Variants in SLC9D1 observed in about 807,000 individuals in gnomAD.
SLC9D1 encodes the protein putative LAG1-interacting protein.
chr13:113,536,534 T>C, the SLC9D1 span: 1 of 982,428 alleles, frequency 1.0e-6, no homozygotes, highest in Non-Finnish European at 1.2e-6. Context: ...ATTTTTCTCT[T>C]TGAAAATAAC....
At chr13:113,510,280 T>G in the SLC9D1 span, 1 of 1,614,116 alleles carries the variant, frequency 6.2e-7, no homozygotes, top group East Asian at 2.2e-5. Context: ...CATGACACTG[T>G]TAATGATTGC....
chr13:113,524,528 G>A, the SLC9D1 span, among the ~76,000 whole-genome samples: 1 of 151,984 alleles, frequency 6.6e-6, no homozygotes, highest in Non-Finnish European at 1.5e-5. Flanking sequence ...TAGAGACAAG[G>A]TTTCGCCATG....
the SLC9D1 span, chr13:113,503,621 A>G: frequency 7.0e-7 from 1 of 1,427,186 alleles, no homozygotes; most frequent in Non-Finnish European, 9.9e-7. Context: ...ACTGCAGCTA[A>G]GGAGCTTCAC....
chr13:113,501,844 T>C, the SLC9D1 span: 2 of 1,612,252 alleles, frequency 1.2e-6, no homozygotes, highest in Non-Finnish European at 1.7e-6. Flanking sequence ...TTATTTGTGG[T>C]GTACTTCTGG....
the SLC9D1 span, among the ~76,000 whole-genome samples, chr13:113,541,631 A>G: frequency 3.2e-4 from 44 of 137,334 alleles, no homozygotes; most frequent in East Asian, 2.0e-3. Context: ...TACGCACACG[A>G]TTGCTGATCA....
the SLC9D1 span, chr13:113,495,532 G>A: frequency 7.3e-7 from 1 of 1,363,126 alleles, no homozygotes; most frequent in East Asian, 2.3e-5. Context: ...TGCAAGCTCA[G>A]TGGGGCAGAG....
At chr13:113,520,702 C>T in the SLC9D1 span, 4 of 1,613,748 alleles carry the variant, frequency 2.5e-6, no homozygotes, top group Admixed American at 6.7e-5. Context: ...CATGCCGACT[C>T]TCATACAGGC....
At chr13:113,513,183 G>A in the SLC9D1 span, among the ~76,000 whole-genome samples, 15 of 152,294 alleles carry the variant, frequency 9.8e-5, no homozygotes, top group African/African-American at 3.6e-4. Flanking sequence ...CCTCGGCAAC[G>A]TCAGATGGTG....
At chr13:113,538,643 G>A in the SLC9D1 span, among the ~76,000 whole-genome samples, 1 of 152,370 alleles carries the variant, frequency 6.6e-6, no homozygotes, top group East Asian at 1.9e-4. Context: ...TGAATCCTCA[G>A]GATGTGATGT....
the SLC9D1 span, chr13:113,539,506 A>G: frequency 1.2e-6 from 2 of 1,611,480 alleles, no homozygotes; most frequent in Non-Finnish European, 1.7e-6. This position sits in a 1 kb window ranked among gnomAD's most constrained non-coding sequence, Gnocchi z 4.8. Flanking sequence ...TCGCCTCCAT[A>G]GGTAATCTTC....
the SLC9D1 span, among the ~76,000 whole-genome samples, chr13:113,494,848 A>T: frequency 6.6e-6 from 1 of 151,758 alleles, no homozygotes; most frequent in African/African-American, 2.4e-5. Flanking sequence ...GGGGAAGTTG[A>T]TGGTATTTTC....
At chr13:113,500,147 A>C in the SLC9D1 span, 1 of 1,486,992 alleles carries the variant, frequency 6.7e-7, no homozygotes, top group Non-Finnish European at 9.0e-7. Context: ...CCACTTTATA[A>C]AGGTAGTGAG....
the SLC9D1 span, chr13:113,498,538 A>G: frequency 9.0e-6 from 14 of 1,558,474 alleles, no homozygotes; most frequent in South Asian, 1.3e-5. Flanking sequence ...GTTCCAGAAC[A>G]GCTGCTTCTT....
At chr13:113,537,834 G>A in the SLC9D1 span, among the ~76,000 whole-genome samples, 1 of 152,182 alleles carries the variant, frequency 6.6e-6, no homozygotes, top group East Asian at 1.9e-4. Flanking sequence ...GCCATGCGTT[G>A]AAAAGACCTC....
At chr13:113,495,559 G>T in the SLC9D1 span, 1 of 1,512,580 alleles carries the variant, frequency 6.6e-7, no homozygotes, top group South Asian at 1.3e-5. Context: ...GGATTGCTGT[G>T]CCCTGCCCTC....
the SLC9D1 span, among the ~76,000 whole-genome samples, chr13:113,541,403 A>G: frequency 1.6e-4 from 23 of 146,058 alleles, no homozygotes; most frequent in Admixed American, 8.8e-4. Context: ...TACGCACACG[A>G]TCGCTGATCA....
the SLC9D1 span, among the ~76,000 whole-genome samples, chr13:113,503,255 A>T: frequency 6.6e-6 from 1 of 152,224 alleles, no homozygotes; most frequent in East Asian, 1.9e-4. Context: ...TAAACCATGG[A>T]AAATAATGTA....
the SLC9D1 span, chr13:113,504,208 C>T: frequency 6.6e-6 from 1 of 152,140 alleles, no homozygotes; most frequent in Non-Finnish European, 1.5e-5. Flanking sequence ...AACTGTACAC[C>T]CTTTCTGTAT....
chr13:113,547,575 G>C, the SLC9D1 span, among the ~76,000 whole-genome samples: 4 of 152,222 alleles, frequency 2.6e-5, no homozygotes, highest in Non-Finnish European at 5.9e-5. Context: ...GTTTGTCCAT[G>C]TGATCGATTG....
Sources: gnomAD v4.1 joint callset for allele counts (sites outside exome capture counted in the v4.1 genomes callset) on GRCh38, gnomAD v4.1.1 for gene constraint, Gnocchi (gnomAD v3.1) non-coding constraint, MANE v1.5 for transcripts, NCBI Gene and HGNC (gene_info 2026-07-23, HGNC 2026-07-21) for gene names.